Variants in CNTN3 observed in about 807,000 individuals in gnomAD.
CNTN3 encodes contactin-3.
Under a neutral mutation model 119.1 loss-of-function variants are expected in CNTN3, and 60 were observed. The observed-to-expected ratio is 0.50, with a 90% confidence interval of 0.41 to 0.62. The LOEUF (loss-of-function observed/expected upper bound fraction) is 0.62, where lower values mean the gene tolerates loss of function less well. Ranked by LOEUF, CNTN3 falls within the 20% of genes least tolerant of loss-of-function variation. CNTN3 has a pLI of 0.00. For synonymous variants in CNTN3, 450 were observed against 438.7 expected, an observed-to-expected ratio of 1.03 and a Z score of -0.32; for missense variants, 1,101 against 1,242.4, an observed-to-expected ratio of 0.89 and a Z score of 1.71.
At chr3:74,463,674 C>T (rs1222803712) in intron 4 of CNTN3, among the ~76,000 whole-genome samples, 1 of 152,068 alleles carries the variant, frequency 6.6e-6, no homozygotes, top group Non-Finnish European at 1.5e-5. Context: ...CTTGGTCAAT[C>T]ATTTAAGCAA....
intron 4 of CNTN3, among the ~76,000 whole-genome samples, chr3:74,449,306 A>G (rs1702103924): frequency 6.6e-6 from 1 of 152,076 alleles, no homozygotes; most frequent in African/African-American, 2.4e-5. Context: ...GGAGGTTCTG[A>G]GTCTTAAGTA....
rs192655504 is a variant in CNTN3 at position 74,523,773 on chromosome 3, C to G, written c.-80-2581G>C. Among the ~76,000 whole-genome samples the G allele has an allele frequency of 1.3e-4, 19 of 151,946 alleles. No homozygotes were observed. The Middle Eastern group carries it at 0.034, about 274-fold the overall frequency. ...GCCCTATGTCATTTGGAAAAAAATA[C>G]ATGGTCTGCATCCTAATATTGTAAT... is the stretch of plus-strand genomic sequence containing the variant. On this transcript the variant is annotated intron_variant, in intron 1 of 22. Transcript: ENST00000263665.
intron 20 of CNTN3, among the ~76,000 whole-genome samples, chr3:74,279,292 A>G: frequency 6.6e-6 from 1 of 152,190 alleles, no homozygotes; most frequent in East Asian, 1.9e-4. Context: ...CATTATACGA[A>G]AAAGATACTT....
intron 1 of CNTN3, among the ~76,000 whole-genome samples, chr3:74,602,295 C>CAAAAAAAAAAAAAAAAA (rs1167052275): frequency 5.1e-5 from 1 of 19,688 alleles, no homozygotes; most frequent in Non-Finnish European, 1.5e-4. Flanking sequence ...GACCTGGTCT[C>CAAAAAAAAAAAAAAAAA]AAAAAAAAAA....
chr3:74,289,690 T>C (rs1038963617), intron 19 of CNTN3, among the ~76,000 whole-genome samples: 2 of 152,224 alleles, frequency 1.3e-5, no homozygotes, highest in African/African-American at 4.8e-5. Context: ...TGAGTTATTA[T>C]TATCTCTATT....
At chr3:74,418,978 G>A (rs1310149338) in intron 5 of CNTN3, among the ~76,000 whole-genome samples, 1 of 150,080 alleles carries the variant, frequency 6.7e-6, no homozygotes, top group African/African-American at 2.5e-5. Flanking sequence ...TTGTATTTTA[G>A]TAGCGGGGCA....
chr3:74,371,837 C>T (rs1420486563), intron 5 of CNTN3, among the ~76,000 whole-genome samples: 1 of 152,072 alleles, frequency 6.6e-6, no homozygotes, highest in Admixed American at 6.6e-5. Context: ...GGTTAAGGTC[C>T]TGCTCAAAAC....
chr3:74,459,740 T>G (rs945095465), intron 4 of CNTN3, among the ~76,000 whole-genome samples: 1 of 152,018 alleles, frequency 6.6e-6, no homozygotes, highest in Non-Finnish European at 1.5e-5. Flanking sequence ...TTTAAGGTAG[T>G]GTGCCCAAAT....
intron 1 of CNTN3, among the ~76,000 whole-genome samples, chr3:74,580,208 C>T (rs1704481807): frequency 1.3e-5 from 2 of 152,140 alleles, no homozygotes; most frequent in South Asian, 2.1e-4. Flanking sequence ...TAAAGTAGAA[C>T]ATCAAAATAA....
chr3:74,500,913 T>C (rs1192041268), intron 2 of CNTN3, among the ~76,000 whole-genome samples: 1 of 152,078 alleles, frequency 6.6e-6, no homozygotes, highest in East Asian at 1.9e-4. Flanking sequence ...AGACAAATGC[T>C]GTGCCTAAGA....
chr3:74,486,429 T>A, intron 4 of CNTN3, 27 bp downstream of exon 4: 2 of 1,552,010 alleles, frequency 1.3e-6, no homozygotes, highest in Non-Finnish European at 1.7e-6. Flanking sequence ...AATGTTGGAT[T>A]TGCTAGACAT....
chr3:74,393,952 T>G (rs1342549283), intron 5 of CNTN3, among the ~76,000 whole-genome samples: 9 of 152,138 alleles, frequency 5.9e-5, no homozygotes, highest in Admixed American at 5.9e-4. Flanking sequence ...GTACATTCTA[T>G]AAAAATCTCA....
At chr3:74,562,373 TA>T (rs1163029292) in intron 1 of CNTN3, among the ~76,000 whole-genome samples, 1 of 152,204 alleles carries the variant, frequency 6.6e-6, no homozygotes, top group Non-Finnish European at 1.5e-5. Flanking sequence ...CTTCCCTTTT[TA>T]AATATTTCTT....
intron 11 of CNTN3, among the ~76,000 whole-genome samples, chr3:74,340,948 T>C (rs1213373540): frequency 6.6e-6 from 1 of 152,158 alleles, no homozygotes; most frequent in Admixed American, 6.5e-5. Context: ...GTGCTAGGAA[T>C]AGAGGAAGAA....
At chr3:74,503,878 C>A (rs75230429) in intron 2 of CNTN3, among the ~76,000 whole-genome samples, 4,951 of 152,024 alleles carry the variant, frequency 0.033, 104 homozygotes, top group South Asian at 0.076. Flanking sequence ...CTAATAAGTC[C>A]AAAAATCCAA....
chr3:74,498,521 C>A (rs1381814636), intron 3 of CNTN3, among the ~76,000 whole-genome samples: 2 of 151,694 alleles, frequency 1.3e-5, no homozygotes, highest in African/African-American at 4.8e-5. Context: ...CACAATAGGG[C>A]CCCAATAAAT....
At chr3:74,334,602 G>T in intron 13 of CNTN3, 133 bp downstream of exon 13, 1 of 717,180 alleles carries the variant, frequency 1.4e-6, no homozygotes, top group Non-Finnish European at 2.3e-6. Context: ...AAACAGAACT[G>T]AGAACCACTC....
chr3:74,341,612 C>A (rs1027680983), intron 11 of CNTN3, among the ~76,000 whole-genome samples: 11 of 151,990 alleles, frequency 7.2e-5, no homozygotes, highest in Non-Finnish European at 1.6e-4. Flanking sequence ...TTTGTGCAGT[C>A]TATGGTTAGT....
At chr3:74,586,602 G>C (rs1406232498) in intron 1 of CNTN3, among the ~76,000 whole-genome samples, 1 of 152,004 alleles carries the variant, frequency 6.6e-6, no homozygotes, top group East Asian at 1.9e-4. Context: ...ACTTCCCTCT[G>C]TGAGCCTCAA....
Sources: allele counts gnomAD v4.1 joint callset (sites outside exome capture counted in the v4.1 genomes callset), GRCh38; gene constraint gnomAD v4.1.1; transcripts MANE v1.5; gene names NCBI Gene and HGNC (gene_info 2026-07-23, HGNC 2026-07-21).